The following DNAH17 variants were observed in gnomAD, a reference collection of about 807,000 sequenced individuals.
DNAH17 encodes dynein axonemal heavy chain 17.
DNAH17 carries 376 observed loss-of-function variants against 485.6 expected under a neutral mutation model. The observed-to-expected ratio is 0.77, with a 90% CI of 0.71 to 0.84. The LOEUF (loss-of-function observed/expected upper bound fraction) is 0.84, where lower values mean the gene tolerates loss of function less well. Among genes scored for constraint, DNAH17 ranks in the 40% least tolerant of loss-of-function variants. The probability of loss-of-function intolerance (pLI) is 0.00; values close to 1 mark genes in which losing one functional copy is unlikely to be tolerated. For synonymous variants in DNAH17, 3,031 were observed against 2,405.9 expected (o/e 1.26, Z -7.60); for missense variants, 6,370 against 5,839.3 (o/e 1.09, Z -2.96).
chr17:78,543,287 G>GTATTTTT (rs1200669389), intron 17 of DNAH17, among the ~76,000 whole-genome samples: 10 of 139,272 alleles, frequency 7.2e-5, no homozygotes, highest in African/African-American at 2.7e-4. Flanking sequence ...GTTAATTTTT[G>GTATTTTT]TTTTTTTTTT....
At chr17:78,570,452 A>C in intron 6 of DNAH17, 80 bp from the exon 7 acceptor site, 7 of 1,510,090 alleles carry the variant, frequency 4.6e-6, no homozygotes, top group Non-Finnish European at 6.2e-6. Context: ...TTCCCTTCCC[A>C]TGGCTCTCAC....
intron 42 of DNAH17, among the ~76,000 whole-genome samples, chr17:78,492,202 G>A (rs11077372): frequency 0.36 from 54,605 of 151,924 alleles, 10,267 homozygotes; most frequent in East Asian, 0.48. Context: ...ACTCTCCAAC[G>A]TCCGGAGTTC....
chr17:78,447,030 T>C (rs758583973), intron 69 of DNAH17, among the ~76,000 whole-genome samples: 19 of 152,028 alleles, frequency 1.2e-4, no homozygotes, highest in Non-Finnish European at 2.5e-4. Context: ...CCTTGAACTC[T>C]TGGGCTCAAG....
intron 69 of DNAH17, among the ~76,000 whole-genome samples, chr17:78,446,281 T>TAG (rs1220801333): frequency 6.0e-5 from 9 of 150,916 alleles, no homozygotes; most frequent in Admixed American, 5.9e-4. Context: ...CAGCACTCTC[T>TAG]AGTTCCAGGA....
chr17:78,547,043 T>G (rs1342762598), intron 16 of DNAH17, among the ~76,000 whole-genome samples: 2 of 152,238 alleles, frequency 1.3e-5, no homozygotes, highest in African/African-American at 4.8e-5. Flanking sequence ...TGGATATGGT[T>G]TCTACCATTT....
chr17:78,496,135 C>A, intron 37 of DNAH17, 103 bp from the exon 38 acceptor site: 1 of 1,302,876 alleles, frequency 7.7e-7, no homozygotes, highest in Non-Finnish European at 1.0e-6. Flanking sequence ...GAATTTGCGC[C>A]TGCAAATTCA....
At chr17:78,485,171 C>T in intron 47 of DNAH17, 138 bp from the exon 48 acceptor site, 1 of 1,179,552 alleles carries the variant, frequency 8.5e-7, no homozygotes, top group Non-Finnish European at 1.2e-6. Context: ...AGGTACCTGC[C>T]CTGGGAGTGG....
intron 64 of DNAH17, 85 bp downstream of exon 64, chr17:78,454,385 C>T (rs991759115): frequency 2.9e-6 from 3 of 1,037,542 alleles, no homozygotes; most frequent in Admixed American, 4.7e-5. Context: ...GAAAGACCCA[C>T]CCATCCATTG....
At chr17:78,490,367 C>A (rs113571783) in intron 44 of DNAH17, among the ~76,000 whole-genome samples, 72 of 152,328 alleles carry the variant, frequency 4.7e-4, no homozygotes, top group South Asian at 3.5e-3. Context: ...TAGAGGCAGC[C>A]TGACCCTTTG....
intron 2 of DNAH17, among the ~76,000 whole-genome samples, chr17:78,573,258 C>CTCCCA (rs1234779336): frequency 6.6e-6 from 1 of 152,202 alleles, no homozygotes; most frequent in African/African-American, 2.4e-5. Flanking sequence ...GAAGCCCTAA[C>CTCCCA]TCCCAGCACC....
intron 14 of DNAH17, among the ~76,000 whole-genome samples, chr17:78,554,294 G>A (rs1376447089): frequency 6.6e-6 from 1 of 151,812 alleles, no homozygotes; most frequent in Non-Finnish European, 1.5e-5. Context: ...ACAAAAATTA[G>A]CCCGGTGTGG....
chr17:78,476,825 C>G lies in DNAH17; in HGVS notation c.7993-92G>C, dbSNP rs892226553. The G allele has an allele frequency of 1.0e-5, 15 of 1,453,678 alleles. No individual in the cohort carries two copies. The African/African-American group carries it at 2.1e-4, about 21-fold the overall frequency. 90.0% of individuals were successfully genotyped at this position (1,453,678 alleles called of 1,614,324 possible). On this transcript the variant is annotated intron_variant, in intron 51 of 80. Transcript: ENST00000389840. ...ATGACCCTGAGGAGCAGCCCCCTCCCCCGGGGCGAGGGGACCTGTTCAGCT... is the reference window on the plus strand; with the variant it reads ...ATGACCCTGAGGAGCAGCCCCCTCCGCCGGGGCGAGGGGACCTGTTCAGCT...
intron 19 of DNAH17, among the ~76,000 whole-genome samples, chr17:78,533,349 C>G (rs2091290412): frequency 6.6e-6 from 1 of 152,124 alleles, no homozygotes; most frequent in African/African-American, 2.4e-5. Flanking sequence ...GGGAATGGCC[C>G]CGAGGAAATG....
At position 78,444,695 on chromosome 17, in the gene DNAH17, T is replaced by C; in HGVS notation, c.11437A>G (p.Ile3813Val). Reference sequence around the variant, plus strand: ...TTGTTCTTCCACTCCTTGGGGAAGATCTCCTTCTCGGGGGCTTCCGACTCC... The same window carrying C: ...TTGTTCTTCCACTCCTTGGGGAAGACCTCCTTCTCGGGGGCTTCCGACTCC... ...LVESEAPEKE[I>V]FPKEWKNKTA... is the part of the protein sequence containing the mutation. The change falls in exon 71 of 81, where the codon ATC (isoleucine) becomes GTC (valine). Residue 3813 changes from isoleucine to valine, a missense_variant. Physicochemically the swap from Ile to Val is conservative, Grantham distance 29. Coordinates refer to ENST00000389840, the MANE Select transcript of DNAH17 (RefSeq NM_173628.4). The C allele has an allele frequency of 6.2e-7, 1 of 1,609,870 alleles. No homozygotes were observed. The highest frequency in any genetic ancestry group is 1.1e-5 in the South Asian group (1 of 90,792).
chr17:78,528,562 G>A (rs1000868909), intron 22 of DNAH17, among the ~76,000 whole-genome samples: 3 of 152,254 alleles, frequency 2.0e-5, no homozygotes, highest in Admixed American at 2.0e-4. Flanking sequence ...CCTGTCTGTG[G>A]CTGGACACAG....
intron 11 of DNAH17, among the ~76,000 whole-genome samples, chr17:78,566,076 CCTT>C (rs1214393641): frequency 6.6e-6 from 1 of 152,010 alleles, no homozygotes; most frequent in African/African-American, 2.4e-5. Flanking sequence ...GAAAAGATGG[CCTT>C]CTAGGAACGG....
rs11871206 is a variant in DNAH17, at chr17:78,518,935, G to A, written c.3865-3913C>T. Among the ~76,000 whole-genome samples the A allele has an allele frequency of 5.1e-3, 779 of 152,182 alleles. 6 individuals carry two copies. The highest frequency in any genetic ancestry group is 0.018 in the African/African-American group (738 of 41,524). On this transcript the variant is annotated intron_variant, in intron 25 of 80. Transcript: ENST00000389840. ...TGTAATCCCAGCACTTTGGGAAGCCGAAGTGGGCTGATCACAAGGTCAGGA... is the reference window on the plus strand; with the variant it reads ...TGTAATCCCAGCACTTTGGGAAGCCAAAGTGGGCTGATCACAAGGTCAGGA...
chr17:78,568,342 C>T (rs1040044402), intron 9 of DNAH17, among the ~76,000 whole-genome samples: 2 of 152,126 alleles, frequency 1.3e-5, no homozygotes, highest in African/African-American at 2.4e-5. Flanking sequence ...CCCTGCCCCC[C>T]AGGAGGTGTA....
intron 62 of DNAH17, among the ~76,000 whole-genome samples, chr17:78,456,290 C>G (rs2087796545): frequency 6.6e-6 from 1 of 151,890 alleles, no homozygotes; most frequent in Non-Finnish European, 1.5e-5. Context: ...CAGAGCAAGA[C>G]TTCATCTCAA....
Sources: allele counts gnomAD v4.1 joint callset (sites outside exome capture counted in the v4.1 genomes callset), GRCh38; gene constraint gnomAD v4.1.1; transcripts MANE v1.5; gene names NCBI Gene and HGNC (gene_info 2026-07-23, HGNC 2026-07-21).